Variants in IL1RAPL1 observed in about 807,000 individuals in gnomAD.
IL1RAPL1 encodes the protein interleukin-1 receptor accessory protein-like 1.
A neutral mutation model predicts 48.4 loss-of-function variants in IL1RAPL1; 3 were observed. The ratio of observed to expected loss-of-function variants is 0.06; its 90% CI spans 0.03 to 0.16. IL1RAPL1 has a LOEUF of 0.16. IL1RAPL1 is among the 10% of genes least tolerant of loss of function. The pLI, the probability that IL1RAPL1 is intolerant of heterozygous loss-of-function variation, is 1.00. For missense variants in IL1RAPL1, 349 were observed against 530.6 expected, an observed-to-expected ratio of 0.66 and a Z score of 3.36; for synonymous variants, 185 against 187.7, an observed-to-expected ratio of 0.99 and a Z score of 0.12.
chrX:28,633,863 G>A (rs770693991), intron 1 of IL1RAPL1, among the ~76,000 whole-genome samples: 32 of 111,348 alleles, frequency 2.9e-4, no homozygotes, highest in Non-Finnish European at 4.3e-4. Flanking sequence ...ATTTTTAATC[G>A]AAAAATAATT....
chrX:29,294,681 C>T (rs1025949494), intron 3 of IL1RAPL1, among the ~76,000 whole-genome samples: 2 of 111,005 alleles, frequency 1.8e-5, no homozygotes, highest in Non-Finnish European at 3.8e-5. Context: ...CTTACACAGA[C>T]AGGTGGTGGG....
At position 28,604,914 on chromosome X, in the gene IL1RAPL1, A is replaced by G. The variant is rs894803486; in HGVS notation, c.-25+16867A>G. ...TCTTTATCATACTTGACCTGTGGGT[A>G]ACAATTGCACAATGGATCAGTCCTT... On this transcript the variant is annotated intron_variant, in intron 1 of 10. Transcript: ENST00000378993. Among the ~76,000 whole-genome samples, 11 of 110,956 alleles carry G rather than the reference A, an allele frequency of 9.9e-5. No individual in the cohort carries two copies. The Admixed American group carries it at 1.1e-3, about 11-fold the overall frequency.
At chrX:29,339,191 A>AACTT (rs760705346) in intron 3 of IL1RAPL1, among the ~76,000 whole-genome samples, 158 of 111,449 alleles carry the variant, frequency 1.4e-3, no homozygotes, top group Non-Finnish European at 2.3e-3. Flanking sequence ...TAAGAAAGGC[A>AACTT]ACTTGACATA....
At chrX:28,759,088 A>C (rs1478363446) in intron 1 of IL1RAPL1, among the ~76,000 whole-genome samples, 1 of 111,024 alleles carries the variant, frequency 9.0e-6, no homozygotes, top group Non-Finnish European at 1.9e-5. Flanking sequence ...AATACCAAAA[A>C]TTAGCTGGGT....
intron 2 of IL1RAPL1, among the ~76,000 whole-genome samples, chrX:29,220,781 G>T (rs1471992344): frequency 8.9e-6 from 1 of 111,947 alleles, no homozygotes; most frequent in African/African-American, 3.2e-5. Flanking sequence ...TACAAATCAG[G>T]GTTTCTCAAC....
intron 6 of IL1RAPL1, among the ~76,000 whole-genome samples, chrX:29,824,768 C>T (rs1930696996): frequency 9.0e-6 from 1 of 111,385 alleles, no homozygotes; most frequent in African/African-American, 3.3e-5. Context: ...TTGTGTTTTT[C>T]CATCTTGTAC....
intron 5 of IL1RAPL1, among the ~76,000 whole-genome samples, chrX:29,580,505 T>C (rs1253371228): frequency 8.9e-6 from 1 of 111,776 alleles, no homozygotes; most frequent in Non-Finnish European, 1.9e-5. Context: ...CTTTGCTACT[T>C]CCATATTATT....
intron 5 of IL1RAPL1, among the ~76,000 whole-genome samples, chrX:29,554,937 C>G (rs1388067512): frequency 8.9e-6 from 1 of 112,137 alleles, no homozygotes; most frequent in Non-Finnish European, 1.9e-5. Flanking sequence ...TTTCTCCTCT[C>G]AATAGTTTTT....
intron 3 of IL1RAPL1, among the ~76,000 whole-genome samples, chrX:29,333,405 G>A (rs1932913471): frequency 1.0e-5 from 1 of 99,349 alleles, no homozygotes; most frequent in Non-Finnish European, 2.1e-5. Flanking sequence ...CGGGCGGGGG[G>A]CTGACCCCCC....
chrX:29,081,010 CTCTCTCTCTCTTTCTTTTCT>C (rs1181903477), intron 2 of IL1RAPL1, among the ~76,000 whole-genome samples: 1 of 67,724 alleles, frequency 1.5e-5, no homozygotes, highest in East Asian at 6.2e-4. Flanking sequence ...CTCTCTCTCT[CTCTCTCTCTCTTTCTTTTCT>C]TTTCTTTTCT....
At chrX:29,876,815 C>A (rs1410247073) in intron 6 of IL1RAPL1, among the ~76,000 whole-genome samples, 1 of 111,863 alleles carries the variant, frequency 8.9e-6, no homozygotes, top group Non-Finnish European at 1.9e-5. Flanking sequence ...AAGCCTCATA[C>A]TTCTTGTTAA....
intron 5 of IL1RAPL1, among the ~76,000 whole-genome samples, chrX:29,544,750 T>C (rs936836252): frequency 1.9e-5 from 2 of 108,030 alleles, no homozygotes; most frequent in Admixed American, 9.9e-5. Flanking sequence ...TGTGTGTGTG[T>C]ATGTGTGTGT....
chrX:29,112,733 G>A (rs2147471445), intron 2 of IL1RAPL1, among the ~76,000 whole-genome samples: 1 of 107,576 alleles, frequency 9.3e-6, no homozygotes, highest in South Asian at 4.2e-4. Flanking sequence ...GGACATTATA[G>A]TCTACTGCAG....
chrX:29,064,253 C>T (rs1927402006), intron 2 of IL1RAPL1, among the ~76,000 whole-genome samples: 1 of 112,197 alleles, frequency 8.9e-6, no homozygotes, highest in African/African-American at 3.2e-5. Flanking sequence ...TAGGTCATTA[C>T]AAGGAAATAC....
At chrX:28,711,666 C>T (rs766209189) in intron 1 of IL1RAPL1, among the ~76,000 whole-genome samples, 4 of 107,782 alleles carry the variant, frequency 3.7e-5, no homozygotes, top group Admixed American at 1.0e-4. Context: ...TTTACCATTA[C>T]GTAGGAGAAT....
intron 5 of IL1RAPL1, among the ~76,000 whole-genome samples, chrX:29,544,456 T>C (rs1921543067): frequency 9.0e-6 from 1 of 111,658 alleles, no homozygotes; most frequent in Non-Finnish European, 1.9e-5. Flanking sequence ...ATATAAATGG[T>C]AGAAGAGATG....
chrX:29,373,867 ATTTTTTT>A (rs59750110), intron 3 of IL1RAPL1, among the ~76,000 whole-genome samples: 27 of 21,645 alleles, frequency 1.2e-3, no homozygotes, highest in Admixed American at 6.6e-3. Context: ...TCTCTTTTTA[ATTTTTTT>A]TTTTTTTTTT....
At chrX:28,744,267 A>G (rs1175557084) in intron 1 of IL1RAPL1, among the ~76,000 whole-genome samples, 4 of 111,655 alleles carry the variant, frequency 3.6e-5, no homozygotes, top group Non-Finnish European at 7.5e-5. Context: ...TGTCTGTACT[A>G]TGGGTTTAAC....
rs369253096 is a variant in IL1RAPL1, at chrX:28,876,862, T to C, written c.82+87437T>C. On this transcript the variant is annotated intron_variant, in intron 2 of 10. Transcript: ENST00000378993. Reference sequence around the variant, plus strand: ...TGTCCTTTCACAAGAATAAAACTGATTTTATTTATCAGTTTTGATTCATTT... The same window carrying C: ...TGTCCTTTCACAAGAATAAAACTGACTTTATTTATCAGTTTTGATTCATTT... Among the ~76,000 whole-genome samples the C allele has an allele frequency of 6.9e-4, 77 of 112,064 alleles. 1 individual carries two copies. In the South Asian group the frequency reaches 0.026, roughly 39 times the overall value.
Sources: allele counts gnomAD v4.1 joint callset (sites outside exome capture counted in the v4.1 genomes callset), GRCh38; gene constraint gnomAD v4.1.1; transcripts MANE v1.5; gene names NCBI Gene and HGNC (gene_info 2026-07-23, HGNC 2026-07-21).